Variants in NSMCE2 observed in about 807,000 individuals in gnomAD.
The protein encoded by NSMCE2 is E3 SUMO-protein ligase NSE2.
A neutral mutation model predicts 23.8 loss-of-function variants in NSMCE2; 24 were observed. The ratio of observed to expected loss-of-function variants is 1.01; its 90% CI spans 0.73 to 1.42. The LOEUF is 1.42. Among genes scored for constraint, NSMCE2 ranks in the 40% most tolerant of loss-of-function variants. The pLI, the probability that NSMCE2 is intolerant of heterozygous loss-of-function variation, is 0.00. For synonymous variants in NSMCE2, 92 were observed against 94.1 expected (o/e 0.98, Z 0.13); for missense variants, 284 against 296.5 (o/e 0.96, Z 0.31).
chr8:125,095,474 G>A (rs1220149098), intron 1 of NSMCE2, among the ~76,000 whole-genome samples: 2 of 151,934 alleles, frequency 1.3e-5, no homozygotes, highest in Non-Finnish European at 2.9e-5. Flanking sequence ...CGCGCCTGTG[G>A]TCCCAGCTAC....
chr8:125,093,916 C>G (rs1380111067), intron 1 of NSMCE2, among the ~76,000 whole-genome samples: 1 of 152,082 alleles, frequency 6.6e-6, no homozygotes, highest in Non-Finnish European at 1.5e-5. Context: ...CCCACCTCAG[C>G]CTTCCGAGGG....
chr8:125,288,208 A>G (rs1827973883), intron 5 of NSMCE2, among the ~76,000 whole-genome samples: 1 of 152,112 alleles, frequency 6.6e-6, no homozygotes, highest in African/African-American at 2.4e-5. Flanking sequence ...TCACGGCTGC[A>G]GCTCCCACAC....
intron 7 of NSMCE2, among the ~76,000 whole-genome samples, chr8:125,361,688 C>G (rs1227704476): frequency 1.3e-5 from 2 of 152,166 alleles, no homozygotes; most frequent in Non-Finnish European, 2.9e-5. Context: ...TAGTTGAAAG[C>G]TCTTTTGGGA....
chr8:125,226,275 C>T (rs1369982562), intron 5 of NSMCE2, among the ~76,000 whole-genome samples: 2 of 151,010 alleles, frequency 1.3e-5, no homozygotes, highest in African/African-American at 4.9e-5. Context: ...CATGTCCAGT[C>T]TTGGCATTTT....
chr8:125,313,848 A>G (rs768542021), intron 5 of NSMCE2, among the ~76,000 whole-genome samples: 5 of 152,206 alleles, frequency 3.3e-5, no homozygotes, highest in African/African-American at 4.8e-5. Context: ...AAGGGACCCA[A>G]AATGATAGAT....
intron 5 of NSMCE2, among the ~76,000 whole-genome samples, chr8:125,238,303 A>G (rs1825637130): frequency 6.6e-6 from 1 of 152,194 alleles, no homozygotes; most frequent in Non-Finnish European, 1.5e-5. Flanking sequence ...AACAGTCCCA[A>G]TAGCATTTCA....
intron 3 of NSMCE2, among the ~76,000 whole-genome samples, chr8:125,111,365 A>G (rs1264157507): frequency 6.6e-6 from 1 of 152,200 alleles, no homozygotes; most frequent in African/African-American, 2.4e-5. Flanking sequence ...TTGTTCCTGA[A>G]TAAGACATTC....
chr8:125,253,156 C>T (rs1826263915), intron 5 of NSMCE2, among the ~76,000 whole-genome samples: 1 of 152,316 alleles, frequency 6.6e-6, no homozygotes, highest in South Asian at 2.1e-4. Flanking sequence ...TTAAGTAAAG[C>T]TAGATTATAT....
intron 5 of NSMCE2, among the ~76,000 whole-genome samples, chr8:125,251,544 G>A (rs1826197721): frequency 6.6e-6 from 1 of 152,168 alleles, no homozygotes; most frequent in Admixed American, 6.5e-5. Context: ...TGGAGTTTGA[G>A]TGAGAGCTAG....
At chr8:125,249,895 A>C (rs1826133281) in intron 5 of NSMCE2, among the ~76,000 whole-genome samples, 1 of 152,228 alleles carries the variant, frequency 6.6e-6, no homozygotes, top group East Asian at 1.9e-4. Context: ...ACTTTTGAAA[A>C]CATTCAGAAA....
chr8:125,263,614 G>A (rs1316587397), intron 5 of NSMCE2, among the ~76,000 whole-genome samples: 1 of 152,074 alleles, frequency 6.6e-6, no homozygotes, highest in East Asian at 1.9e-4. Flanking sequence ...GCTGGGCATG[G>A]TAGCACGCGC....
At chr8:125,320,252 G>GAAA (rs1586763560) in intron 5 of NSMCE2, among the ~76,000 whole-genome samples, 1 of 36,128 alleles carries the variant, frequency 2.8e-5, no homozygotes, top group Non-Finnish European at 5.6e-5. Flanking sequence ...AGGGAGGGAG[G>GAAA]GAAGGAAGGA....
chr8:125,192,860 A>C (rs1823419461), intron 5 of NSMCE2, among the ~76,000 whole-genome samples: 1 of 152,200 alleles, frequency 6.6e-6, no homozygotes, highest in African/African-American at 2.4e-5. Flanking sequence ...ATAGATGATG[A>C]TGACGCGCTC....
intron 5 of NSMCE2, among the ~76,000 whole-genome samples, chr8:125,324,635 C>T (rs1454248877): frequency 2.3e-5 from 1 of 42,566 alleles, no homozygotes; most frequent in Non-Finnish European, 7.1e-5. Flanking sequence ...AGTGCAGTGG[C>T]GCAATCTCGG....
intron 5 of NSMCE2, among the ~76,000 whole-genome samples, chr8:125,202,313 T>C (rs1823920735): frequency 6.6e-6 from 1 of 152,208 alleles, no homozygotes; most frequent in African/African-American, 2.4e-5. Context: ...CGCTGGGAGC[T>C]GCAGACCGGA....
intron 5 of NSMCE2, among the ~76,000 whole-genome samples, chr8:125,326,401 G>C (rs1829666420): frequency 1.3e-5 from 2 of 151,800 alleles, no homozygotes; most frequent in Non-Finnish European, 2.9e-5. Context: ...TTATATATAT[G>C]TGTGTGTGTG....
chr8:125,179,674 A>T (rs1002530209), intron 4 of NSMCE2, among the ~76,000 whole-genome samples: 36 of 152,232 alleles, frequency 2.4e-4, no homozygotes, highest in African/African-American at 7.7e-4. Context: ...AGTTCTGGTT[A>T]TGGGGGGAAA....
At chr8:125,211,673 G>A (rs887231108) in intron 5 of NSMCE2, among the ~76,000 whole-genome samples, 2 of 152,118 alleles carry the variant, frequency 1.3e-5, no homozygotes, top group Non-Finnish European at 2.9e-5. Flanking sequence ...TGCTCTTTAT[G>A]GGGATTTTAT....
intron 3 of NSMCE2, among the ~76,000 whole-genome samples, chr8:125,136,112 A>G (rs887447174): frequency 6.6e-6 from 1 of 152,124 alleles, no homozygotes; most frequent in African/African-American, 2.4e-5. Context: ...ACATTTTTTA[A>G]TTTTTATTTT....
Sources: gnomAD v4.1 joint callset for allele counts (sites outside exome capture counted in the v4.1 genomes callset) on GRCh38, gnomAD v4.1.1 for gene constraint, MANE v1.5 for transcripts, NCBI Gene and HGNC (gene_info 2026-07-23, HGNC 2026-07-21) for gene names.